Variants in HMSD observed in about 807,000 individuals in gnomAD.
HMSD encodes the protein histocompatibility minor serpin domain containing.
A neutral mutation model predicts 10.0 loss-of-function variants in HMSD; 13 were observed. The observed-to-expected ratio is 1.31, with a 90% CI of 0.85 to 2.08. The LOEUF (loss-of-function observed/expected upper bound fraction) is 2.08, where lower values mean the gene tolerates loss of function less well. Among genes scored for constraint, HMSD ranks in the 30% most tolerant of loss-of-function variants. The probability of loss-of-function intolerance (pLI) is 0.00; values close to 1 mark genes in which losing one functional copy is unlikely to be tolerated. For synonymous variants in HMSD, 51 were observed against 54.2 expected (o/e 0.94, Z 0.26); for missense variants, 169 against 166.3 (o/e 1.02, Z -0.09).
At chr18:63,954,859 C>T (rs1213703499) in intron 3 of HMSD, among the ~76,000 whole-genome samples, 1 of 152,170 alleles carries the variant, frequency 6.6e-6, no homozygotes, top group Non-Finnish European at 1.5e-5. Context: ...CTCGTAATTG[C>T]TTTGCAGATA....
chr18:63,958,968 C>G (rs894527474), intron 3 of HMSD, among the ~76,000 whole-genome samples: 7 of 152,036 alleles, frequency 4.6e-5, no homozygotes, highest in African/African-American at 1.7e-4. Context: ...ACAGGAGTGA[C>G]AGCTTCTATA....
At chr18:63,953,737 G>A (rs1348621424) in intron 2 of HMSD, among the ~76,000 whole-genome samples, 1 of 152,212 alleles carries the variant, frequency 6.6e-6, no homozygotes, top group Non-Finnish European at 1.5e-5. Context: ...TGCTTCTGCA[G>A]GCAACTGGGC....
downstream of HMSD, among the ~76,000 whole-genome samples, chr18:63,966,194 C>T (rs1340122390): frequency 1.3e-5 from 2 of 152,192 alleles, no homozygotes; most frequent in African/African-American, 2.4e-5. Flanking sequence ...ACACCCAAAC[C>T]ACAGCCATTA....
In HMSD at chr18:63,960,661, T is replaced by C. The variant is rs1291437905; in HGVS notation, c.*306T>C. 3.8e-6 allele frequency: 1 copy of C among 262,628 alleles called. No individual in the cohort carries two copies. The highest frequency in any genetic ancestry group is 7.2e-6 in the Non-Finnish European group (1 of 138,458). The allele number at this position is 262,628 out of a possible 1,614,324, so 16.3% of individuals were successfully genotyped here. A position where few individuals can be genotyped will look rare whatever the true frequency, so the allele number is the denominator to read the frequency against. The stretch of plus-strand genomic sequence containing the variant: ...TGTGATCAGTGATAAGGGAACACAC[T>C]GATGATTTAGATTGAACAGGGAGAG... On this transcript the variant is annotated 3_prime_UTR_variant, in exon 4 of 4. Coordinates refer to ENST00000408945, the MANE Select transcript of HMSD (RefSeq NM_001123366.2).
At chr18:63,967,904 G>T (rs986855191) in intron 3 of HMSD, 3 of 152,194 alleles carry the variant, frequency 2.0e-5, no homozygotes, top group African/African-American at 7.2e-5. Flanking sequence ...TTTCCCTTCA[G>T]GGCCCAGCAT....
downstream of HMSD, among the ~76,000 whole-genome samples, chr18:63,965,710 T>C (rs1316437744): frequency 6.6e-6 from 1 of 152,236 alleles, no homozygotes; most frequent in Non-Finnish European, 1.5e-5. Flanking sequence ...CATATAAGCA[T>C]TGTCTTAGTC....
intron 3 of HMSD, among the ~76,000 whole-genome samples, chr18:63,954,884 T>C (rs1319371071): frequency 6.6e-6 from 1 of 152,278 alleles, no homozygotes; most frequent in Non-Finnish European, 1.5e-5. Context: ...TAATTTTCTA[T>C]GCATGATGAC....
rs562741837 is a variant in HMSD, at chr18:63,967,453, G to A, written n.312+7178G>A. On this transcript the variant is annotated intron_variant and non_coding_transcript_variant, in intron 3 of 5. Coordinates refer to the HMSD transcript ENST00000481726. Reference sequence around the variant, plus strand: ...CCTGCCCCGTGAGATTCTTTAAGGTGGAGTATTTGTGCATTTTACAGCAAG... The same window carrying A: ...CCTGCCCCGTGAGATTCTTTAAGGTAGAGTATTTGTGCATTTTACAGCAAG... Among the ~76,000 whole-genome samples, 20 of 152,262 alleles carry A rather than the reference G, an allele frequency of 1.3e-4. No individual in the cohort carries two copies. In the South Asian group the frequency reaches 3.9e-3, roughly 30 times the overall value.
At chr18:63,957,681 T>G (rs2144760977) in intron 3 of HMSD, among the ~76,000 whole-genome samples, 1 of 152,314 alleles carries the variant, frequency 6.6e-6, no homozygotes, top group Middle Eastern at 3.4e-3. Context: ...TTTTACTAGC[T>G]TACTAGTTTT....
In HMSD at chr18:63,961,037, G is replaced by C. The variant is rs1351632080; in HGVS notation, c.*682G>C. The C allele has an allele frequency of 1.3e-5, 2 of 152,348 alleles. No individual in the cohort carries two copies. Among genetic ancestry groups the C allele is most frequent in the Admixed American group, 6.5e-5 (1 of 15,280 alleles). The allele number at this position is 152,348 out of a possible 1,614,324, so 9.4% of individuals were successfully genotyped here. A position where few individuals can be genotyped will look rare whatever the true frequency, so the allele number is the denominator to read the frequency against. On this transcript the variant is annotated 3_prime_UTR_variant, in exon 4 of 4. Transcript: ENST00000408945. ...CCATATGATTCTTCCACTGCAGAGAGAGCCTCTGAGTGTTACAGCCAGGAG... is the reference window on the plus strand; with the variant it reads ...CCATATGATTCTTCCACTGCAGAGACAGCCTCTGAGTGTTACAGCCAGGAG...
At chr18:63,967,409 C>T (rs1300755946) in intron 3 of HMSD, among the ~76,000 whole-genome samples, 1 of 152,202 alleles carries the variant, frequency 6.6e-6, no homozygotes, top group Non-Finnish European at 1.5e-5. Context: ...GCTGGGATTA[C>T]AGGCATGAGC....
rs530683622 is a variant in HMSD at position 63,952,399 on chromosome 18, G to T, written c.-102-955G>T. Among the ~76,000 whole-genome samples, 7 of 152,080 alleles carry T rather than the reference G, an allele frequency of 4.6e-5. No homozygotes were observed. The South Asian group carries it at 1.4e-3, about 31-fold the overall frequency. ...ACACTGAAACAAATATAGGCACATT[G>T]TAGGGAAAATAGCAAAGGATATAAA... is the stretch of plus-strand genomic sequence containing the variant. On this transcript the variant is annotated intron_variant, in intron 1 of 3. Coordinates refer to ENST00000408945, the MANE Select transcript of HMSD (RefSeq NM_001123366.2).
intron 1 of HMSD, among the ~76,000 whole-genome samples, chr18:63,951,230 C>G (rs2050328718): frequency 6.6e-6 from 1 of 152,158 alleles, no homozygotes; most frequent in Admixed American, 6.5e-5. Flanking sequence ...ATACATTAAG[C>G]TTTATCATCA....
intron 3 of HMSD, 127 bp downstream of exon 3, chr18:63,954,684 A>C (rs1307231209): frequency 1.4e-6 from 1 of 719,622 alleles, no homozygotes; most frequent in Non-Finnish European, 2.3e-6. Context: ...TCTCACACGC[A>C]TCTTGTGATT....
At chr18:63,967,180 C>T (rs1236588820) in intron 3 of HMSD, among the ~76,000 whole-genome samples, 1 of 152,132 alleles carries the variant, frequency 6.6e-6, no homozygotes, top group Non-Finnish European at 1.5e-5. Context: ...CTCTGTTGCC[C>T]AGGCTGGAGT....
chr18:63,954,629 A>G (rs1044091558), intron 3 of HMSD, 72 bp downstream of exon 3: 3 of 1,331,038 alleles, frequency 2.3e-6, no homozygotes, highest in Non-Finnish European at 3.2e-6. Context: ...AATATGGGCT[A>G]TGAATTCCTG....
Position 63,950,654 on chromosome 18 carries a change from A to G in HMSD, c.-103+1254A>G, listed in dbSNP as rs912652246. Among the ~76,000 whole-genome samples the G allele has an allele frequency of 3.3e-5, 5 of 152,136 alleles. No homozygotes were observed. The East Asian group carries it at 7.7e-4, about 23-fold the overall frequency. ...TGTGGATAGAACTCTGTGTTACGCA[A>G]ATCAGATGCACGAGAACCTCAAATA... is the stretch of plus-strand genomic sequence containing the variant. On this transcript the variant is annotated intron_variant, in intron 1 of 3. Transcript: ENST00000408945.
At chr18:63,960,006 T>G in intron 3 of HMSD, 152 bp from the exon 4 acceptor site, 1 of 799,272 alleles carries the variant, frequency 1.3e-6, no homozygotes, top group Non-Finnish European at 2.0e-6. Context: ...CTGAAAAGAA[T>G]TTGGACTTTA....
chr18:63,967,543 A>C (rs1342360205), intron 3 of HMSD, among the ~76,000 whole-genome samples: 1 of 152,116 alleles, frequency 6.6e-6, no homozygotes, highest in African/African-American at 2.4e-5. Flanking sequence ...TTCCTTCTTG[A>C]CAAGTGGAAG....
Sources: allele counts gnomAD v4.1 joint callset (sites outside exome capture counted in the v4.1 genomes callset), GRCh38; gene constraint gnomAD v4.1.1; transcripts MANE v1.5; gene names NCBI Gene and HGNC (gene_info 2026-07-23, HGNC 2026-07-21).